The following JAKMIP3 variants were observed in gnomAD, a reference collection of about 807,000 sequenced individuals.
The protein encoded by JAKMIP3 is Janus kinase and microtubule interacting protein 3.
In JAKMIP3, 58 loss-of-function variants were observed where a neutral mutation model predicts 118.5. The observed-to-expected ratio is 0.49, with a 90% CI of 0.40 to 0.61. The LOEUF (loss-of-function observed/expected upper bound fraction) is 0.61. Ranked by LOEUF, JAKMIP3 falls within the 20% of genes least tolerant of loss-of-function variation. The probability of loss-of-function intolerance (pLI) is 0.00; values close to 1 mark genes in which losing one functional copy is unlikely to be tolerated. For missense variants in JAKMIP3, 950 were observed against 1,109.0 expected, an observed-to-expected ratio of 0.86 and a Z score of 2.04; for synonymous variants, 486 against 451.2, an observed-to-expected ratio of 1.08 and a Z score of -0.98.
At chr10:132,143,148 G>GC (rs1197792401) in intron 11 of JAKMIP3, among the ~76,000 whole-genome samples, 26 of 149,862 alleles carry the variant, frequency 1.7e-4, no homozygotes, top group African/African-American at 6.6e-4. Context: ...GAGTCGGGGT[G>GC]GGGGGGGCTG....
At chr10:132,056,743 G>A (rs568648015) in intron 1 of JAKMIP3, among the ~76,000 whole-genome samples, 23 of 152,306 alleles carry the variant, frequency 1.5e-4, no homozygotes, top group African/African-American at 4.8e-4. Flanking sequence ...CCCACCTCCC[G>A]TCTGTACTTT....
At chr10:132,091,838 C>G (rs536938772) in intron 1 of JAKMIP3, among the ~76,000 whole-genome samples, 1 of 152,086 alleles carries the variant, frequency 6.6e-6, no homozygotes, top group African/African-American at 2.4e-5. Context: ...TTATTTTGCT[C>G]GTTAGTTGAT....
At chr10:132,098,318 C>T (rs1386917814) in intron 1 of JAKMIP3, among the ~76,000 whole-genome samples, 2 of 152,072 alleles carry the variant, frequency 1.3e-5, no homozygotes, top group Non-Finnish European at 2.9e-5. Context: ...GCCACTGTGC[C>T]CAGCCAAGAT....
chr10:132,058,058 A>G (rs973039285), intron 1 of JAKMIP3, among the ~76,000 whole-genome samples: 3 of 152,112 alleles, frequency 2.0e-5, no homozygotes, highest in East Asian at 3.9e-4. Context: ...CCTTCCCTCA[A>G]TTAAGGGACT....
intron 1 of JAKMIP3, among the ~76,000 whole-genome samples, chr10:132,069,332 G>A (rs1377068233): frequency 6.6e-6 from 1 of 152,100 alleles, no homozygotes; most frequent in Non-Finnish European, 1.5e-5. Flanking sequence ...CACCCCCAAG[G>A]ACACGTTTTC....
chr10:132,151,138 CCATT>C (rs1174548639), intron 16 of JAKMIP3, among the ~76,000 whole-genome samples: 1 of 152,166 alleles, frequency 6.6e-6, no homozygotes. Context: ...CCTTCATCCT[CCATT>C]CATTCATCCA....
At chr10:132,087,772 T>C (rs909570890) in intron 1 of JAKMIP3, among the ~76,000 whole-genome samples, 5 of 151,980 alleles carry the variant, frequency 3.3e-5, no homozygotes, top group African/African-American at 1.2e-4. Context: ...GTTAGTTACA[T>C]ATGTATACAT....
intron 1 of JAKMIP3, among the ~76,000 whole-genome samples, chr10:132,100,444 CAGG>C (rs66793268): frequency 0.62 from 93,799 of 151,780 alleles, 29,175 homozygotes; most frequent in East Asian, 0.7. Flanking sequence ...GTCTGCCTCC[CAGG>C]AGGGTGTCAG....
At position 132,117,453 on chromosome 10, in the gene JAKMIP3, C is replaced by A; in HGVS notation, c.512C>A (p.Ala171Glu). ...GGCGCCAAAAGGCAGGTGGAGGAGG[C>A]GCTGACGCTGGTGATCCAAGCGGAC... The part of the protein sequence containing the change: ...LKGAKRQVEE[A>E]LTLVIQADKI... Residue 171 changes from alanine to glutamate, a missense_variant, in exon 3 of 24, where the codon GCG (alanine) becomes GAG (glutamate). By Grantham distance (107) the Ala-to-Glu change is moderately radical. Coordinates refer to ENST00000684848, the MANE Select transcript of JAKMIP3 (RefSeq NM_001323087.2). The surrounding 1 kb of genome is among the most constrained non-coding windows in gnomAD (Gnocchi z 8.6). 6.2e-7 allele frequency: 1 copy of A among 1,613,902 alleles called. No individual in the cohort carries two copies. The highest frequency in any genetic ancestry group is 8.5e-7 in the Non-Finnish European group (1 of 1,179,894).
chr10:132,169,515 G>A (rs1032722436), intron 23 of JAKMIP3, among the ~76,000 whole-genome samples: 7 of 152,186 alleles, frequency 4.6e-5, no homozygotes, highest in East Asian at 1.9e-4. Flanking sequence ...ATGCTCCACC[G>A]TGGAGCTTTC....
At chr10:132,134,849 AC>A (rs1280655311) in intron 4 of JAKMIP3, among the ~76,000 whole-genome samples, 191 bp from the exon 5 acceptor site, 1 of 152,170 alleles carries the variant, frequency 6.6e-6, no homozygotes, top group Non-Finnish European at 1.5e-5. Context: ...CTGTTGCCTC[AC>A]GCGGTTGCGG....
chr10:132,135,222 G>C (rs2051500018), intron 5 of JAKMIP3, 62 bp downstream of exon 5: 1 of 1,513,624 alleles, frequency 6.6e-7, no homozygotes, highest in East Asian at 2.3e-5. Context: ...GGGGACCTGG[G>C]GGGCATCCAC....
At chr10:132,139,192 GTGTA>G (rs2052626891) in intron 9 of JAKMIP3, among the ~76,000 whole-genome samples, 2 of 83,754 alleles carry the variant, frequency 2.4e-5, no homozygotes, top group South Asian at 2.9e-4. Flanking sequence ...GTGTATGTGT[GTGTA>G]TGAGTGTGTG....
chr10:132,078,344 A>ATTT lies in JAKMIP3; in HGVS notation c.-138+12290_-138+12292dup, dbSNP rs397718310. ...GTGGAAGGATTTCATTTGCTGGGAC[A>ATTT]TTTTTTTTTCCTTTTGTATATTCCT... On this transcript the variant is annotated intron_variant, in intron 1 of 23. Coordinates refer to ENST00000684848, the MANE Select transcript of JAKMIP3 (RefSeq NM_001323087.2). 4.3e-3 allele frequency among the ~76,000 whole-genome samples: 648 copies of ATTT among 151,236 alleles called. 5 individuals carry two copies. The highest frequency in any genetic ancestry group is 0.015 in the African/African-American group (611 of 41,272).
rs546694133 is a variant in JAKMIP3 at position 132,120,941 on chromosome 10, CG to C, written c.633+3372del. The stretch of plus-strand genomic sequence containing the variant: ...GGCAGGTGTGTGGCCGCTCGAGCTG[CG>C]GGGGCAGCGGCACAGCGTGGTGTCC... On this transcript the variant is annotated intron_variant, in intron 3 of 23. Coordinates refer to ENST00000684848, the MANE Select transcript of JAKMIP3 (RefSeq NM_001323087.2). Among the ~76,000 whole-genome samples the C allele has an allele frequency of 5.0e-3, 757 of 152,314 alleles. 3 individuals carry two copies. The highest frequency in any genetic ancestry group is 0.017 in the African/African-American group (705 of 41,556).
At chr10:132,114,309 G>A (rs752274027) in intron 2 of JAKMIP3, among the ~76,000 whole-genome samples, 70 of 152,334 alleles carry the variant, frequency 4.6e-4, no homozygotes, top group Admixed American at 7.2e-4. Flanking sequence ...TCTACCCCCC[G>A]GCTCAAGCAA....
At chr10:132,174,911 G>T (rs556818230) in intron 23 of JAKMIP3, among the ~76,000 whole-genome samples, 16 of 152,136 alleles carry the variant, frequency 1.1e-4, no homozygotes, top group African/African-American at 3.6e-4. Context: ...ACCTTCTTTG[G>T]TGAAACATCT....
At chr10:132,092,503 T>A (rs952736139) in intron 1 of JAKMIP3, among the ~76,000 whole-genome samples, 1 of 152,246 alleles carries the variant, frequency 6.6e-6, no homozygotes, top group African/African-American at 2.4e-5. Context: ...TCTTCTTGCT[T>A]CATTTCATTC....
Position 132,135,175 on chromosome 10 carries a change from G to C in JAKMIP3, c.969+15G>C. On this transcript the variant is annotated intron_variant, in intron 5 of 23. Transcript: ENST00000684848. ...GGAATGAGCTGGTGAGCGCGGGCGG[G>C]GGCTTCTGGCTCCTGGGGGTTTGTG... 1.3e-6 allele frequency: 2 copies of C among 1,590,738 alleles called. No homozygotes were observed. Among genetic ancestry groups the C allele is most frequent in the South Asian group, 1.1e-5 (1 of 90,256 alleles).
Sources: allele counts gnomAD v4.1 joint callset (sites outside exome capture counted in the v4.1 genomes callset), GRCh38; gene constraint gnomAD v4.1.1; non-coding constraint Gnocchi (gnomAD v3.1); transcripts MANE v1.5; gene names NCBI Gene and HGNC (gene_info 2026-07-23, HGNC 2026-07-21).